PARD3B: variants seen among roughly 807,000 people sequenced by gnomAD.
The protein encoded by PARD3B is partitioning defective 3 homolog B.
A neutral mutation model predicts 130.2 loss-of-function variants in PARD3B; 103 were observed. The ratio of observed to expected loss-of-function variants is 0.79; its 90% CI spans 0.67 to 0.93. PARD3B has a LOEUF of 0.93. Ranked by LOEUF, PARD3B falls within the 40% of genes least tolerant of loss-of-function variation. The pLI, the probability that PARD3B is intolerant of heterozygous loss-of-function variation, is 0.00. For synonymous variants in PARD3B, 583 were observed against 553.2 expected, an observed-to-expected ratio of 1.05 and a Z score of -0.76; for missense variants, 1,609 against 1,499.2, an observed-to-expected ratio of 1.07 and a Z score of -1.21.
intron 18 of PARD3B, among the ~76,000 whole-genome samples, chr2:205,308,945 G>A (rs182694138): frequency 5.9e-5 from 9 of 152,306 alleles, no homozygotes; most frequent in Admixed American, 1.3e-4. Flanking sequence ...CCTTGGTGAC[G>A]GTCTAACAGC....
At chr2:205,010,189 T>C (rs1042374701) in intron 3 of PARD3B, among the ~76,000 whole-genome samples, 8 of 152,096 alleles carry the variant, frequency 5.3e-5, no homozygotes, top group Non-Finnish European at 7.4e-5. Context: ...TATACTTTTT[T>C]TTTGAAGTTA....
intron 4 of PARD3B, among the ~76,000 whole-genome samples, chr2:205,068,137 G>A (rs1700501742): frequency 6.6e-6 from 1 of 152,142 alleles, no homozygotes; most frequent in African/African-American, 2.4e-5. Context: ...TGTTCAGTCT[G>A]GGACTGTGCG....
At chr2:205,119,148 C>T in intron 7 of PARD3B, 102 bp downstream of exon 7, 1 of 1,406,156 alleles carries the variant, frequency 7.1e-7, no homozygotes, top group Non-Finnish European at 9.4e-7. Flanking sequence ...AATTTCTAGT[C>T]AGTTCCCTTT....
intron 18 of PARD3B, among the ~76,000 whole-genome samples, chr2:205,370,426 A>C (rs1395274731): frequency 6.6e-6 from 1 of 152,222 alleles, no homozygotes; most frequent in Non-Finnish European, 1.5e-5. Flanking sequence ...TATGAAGTGA[A>C]GTTGTACCTG....
At chr2:205,519,035 A>G (rs1472169556) in intron 21 of PARD3B, among the ~76,000 whole-genome samples, 2 of 151,892 alleles carry the variant, frequency 1.3e-5, no homozygotes, top group African/African-American at 2.4e-5. Flanking sequence ...TTTCATTTCA[A>G]CCTTGGAAAA....
intron 18 of PARD3B, among the ~76,000 whole-genome samples, chr2:205,315,504 T>C (rs548143428): frequency 3.3e-5 from 5 of 152,314 alleles, no homozygotes; most frequent in South Asian, 4.1e-4. Flanking sequence ...TTCCTGGGTT[T>C]CATTATCAGA....
chr2:205,164,451 A>G (rs1449663163), intron 11 of PARD3B, among the ~76,000 whole-genome samples: 3 of 152,184 alleles, frequency 2.0e-5, no homozygotes, highest in Non-Finnish European at 4.4e-5. Context: ...TGGGCAACAC[A>G]GCGAGACCCC....
At chr2:205,354,026 C>CTTTTTTTTTTTT (rs869308018) in intron 18 of PARD3B, among the ~76,000 whole-genome samples, 9 of 50,362 alleles carry the variant, frequency 1.8e-4, no homozygotes, top group Non-Finnish European at 2.5e-4. Context: ...TTTTCTTTTC[C>CTTTTTTTTTTTT]TTTTTTTTTT....
intron 2 of PARD3B, among the ~76,000 whole-genome samples, chr2:204,788,459 C>G (rs1410459311): frequency 2.0e-5 from 3 of 152,200 alleles, no homozygotes; most frequent in Admixed American, 1.3e-4. Flanking sequence ...TTAATCAGAC[C>G]TAAATTATTT....
intron 21 of PARD3B, among the ~76,000 whole-genome samples, chr2:205,516,191 A>G (rs1351049034): frequency 6.6e-6 from 1 of 152,154 alleles, no homozygotes; most frequent in African/African-American, 2.4e-5. Context: ...TGTTTTGGTT[A>G]CCATGGCCCT....
chr2:205,538,271 C>T (rs534677590), intron 21 of PARD3B, among the ~76,000 whole-genome samples: 19 of 152,126 alleles, frequency 1.2e-4, no homozygotes, highest in Admixed American at 2.6e-4. Context: ...TCCCAGAGGA[C>T]CTGGTGATGG....
intron 1 of PARD3B, among the ~76,000 whole-genome samples, chr2:204,630,037 G>C (rs2034623652): frequency 6.6e-6 from 1 of 152,090 alleles, no homozygotes; most frequent in Admixed American, 6.6e-5. Context: ...CTGAAATTAG[G>C]AATTCTGCCA....
rs533571906 is a variant in PARD3B, at chr2:205,288,669, C to T, written c.2186-11861C>T. 2.6e-5 allele frequency among the ~76,000 whole-genome samples: 4 copies of T among 152,104 alleles called. No homozygotes were observed. The highest frequency in any genetic ancestry group is 9.7e-5 in the African/African-American group (4 of 41,418). On this transcript the variant is annotated intron_variant, in intron 16 of 22. Coordinates refer to ENST00000406610, the MANE Select transcript of PARD3B (RefSeq NM_001302769.2). The surrounding 1 kb of genome is among the most constrained non-coding windows in gnomAD (Gnocchi z 4.0). ...ATCTCTACCACATTGTTTTTTGTTA[C>T]TAGTCACTCCATCCTCCCGGTGTCC... is the stretch of plus-strand genomic sequence containing the variant.
chr2:204,597,258 G>GTT (rs34142194), intron 1 of PARD3B, among the ~76,000 whole-genome samples: 8 of 147,654 alleles, frequency 5.4e-5, no homozygotes, highest in South Asian at 2.1e-4. Flanking sequence ...GCCGATGCGT[G>GTT]TTTTTTTTTT....
chr2:204,759,487 C>A (rs1031832214), intron 2 of PARD3B, among the ~76,000 whole-genome samples: 1 of 151,928 alleles, frequency 6.6e-6, no homozygotes, highest in Non-Finnish European at 1.5e-5. Context: ...TGTTTTGAAC[C>A]TTTAAAATTA....
intron 16 of PARD3B, 47 bp downstream of exon 16, chr2:205,245,869 C>T (rs936268854): frequency 1.7e-5 from 25 of 1,500,296 alleles, no homozygotes; most frequent in African/African-American, 8.3e-5. Flanking sequence ...CTGGAAATCA[C>T]TGGCTGTGTT....
chr2:205,046,862 T>G (rs1439314171), intron 3 of PARD3B, among the ~76,000 whole-genome samples: 1 of 152,236 alleles, frequency 6.6e-6, no homozygotes, highest in Non-Finnish European at 1.5e-5. Context: ...GTCAGAGCGG[T>G]TAGGCCGCTG....
chr2:204,980,806 C>CTG (rs1692600729), intron 3 of PARD3B, among the ~76,000 whole-genome samples: 2 of 152,148 alleles, frequency 1.3e-5, no homozygotes, highest in African/African-American at 4.8e-5. Context: ...CCAGAAGAGA[C>CTG]TGAGAAGACT....
chr2:204,853,830 A>G (rs1446546159), intron 2 of PARD3B, among the ~76,000 whole-genome samples: 1 of 152,198 alleles, frequency 6.6e-6, no homozygotes, highest in Non-Finnish European at 1.5e-5. Context: ...AATAATACAC[A>G]TTTTAATAAG....
Sources: allele counts gnomAD v4.1 joint callset (sites outside exome capture counted in the v4.1 genomes callset), GRCh38; gene constraint gnomAD v4.1.1; non-coding constraint Gnocchi (gnomAD v3.1); transcripts MANE v1.5; gene names NCBI Gene and HGNC (gene_info 2026-07-23, HGNC 2026-07-21).